GALNT13: variants seen among roughly 807,000 people sequenced by gnomAD.
GALNT13 encodes the protein UDP-GalNAc:polypeptide N-acetylgalactosaminyltransferase 13.
A neutral mutation model predicts 64.2 loss-of-function variants in GALNT13; 28 were observed. The ratio of observed to expected loss-of-function variants is 0.44; its 90% CI spans 0.32 to 0.60. GALNT13 has a LOEUF of 0.60. Among genes scored for constraint, GALNT13 ranks in the 20% least tolerant of loss-of-function variants. GALNT13 has a pLI of 0.05. For missense variants in GALNT13, 577 were observed against 669.8 expected (o/e 0.86, Z 1.53); for synonymous variants, 214 against 224.6 (o/e 0.95, Z 0.42).
In GALNT13 at chr2:154,168,672, T is replaced by TAAA. The variant is rs1559001255; in HGVS notation, c.311+28167_311+28168insAAA. 4.2e-5 allele frequency among the ~76,000 whole-genome samples: 5 copies of TAAA among 119,006 alleles called. 2 individuals carry two copies. The highest frequency in any genetic ancestry group is 5.0e-5 in the Non-Finnish European group (3 of 60,570). The allele number at this position is 119,006 out of a possible 152,430, so 78.1% of individuals were successfully genotyped here. A position where few individuals can be genotyped will look rare whatever the true frequency, so the allele number is the denominator to read the frequency against. On this transcript the variant is annotated intron_variant, in intron 4 of 12. Transcript: ENST00000392825. ...ACATAGTGAAACCTCATCTCTACTA[T>TAAA]TAAAAAAAAAAAAAAAAAAAAGTAG...
At chr2:153,987,391 C>A (rs934490186) in intron 3 of GALNT13, among the ~76,000 whole-genome samples, 1 of 151,680 alleles carries the variant, frequency 6.6e-6, no homozygotes, top group African/African-American at 2.4e-5. Context: ...TTTACTGCCT[C>A]TATCTTGGAA....
chr2:153,205,970 C>T, the GALNT13 span, among the ~76,000 whole-genome samples: 1 of 151,772 alleles, frequency 6.6e-6, no homozygotes, highest in Non-Finnish European at 1.5e-5. Context: ...TGCTTTCCCT[C>T]CTTAGAGCCC....
At chr2:154,286,989 C>T (rs548589484) in intron 8 of GALNT13, 7 of 574,228 alleles carry the variant, frequency 1.2e-5, no homozygotes, top group African/African-American at 1.1e-4. Flanking sequence ...TGGTGGCTCA[C>T]TTTGATGCAG....
At chr2:153,598,711 C>T in the GALNT13 span, among the ~76,000 whole-genome samples, 1 of 151,982 alleles carries the variant, frequency 6.6e-6, no homozygotes, top group Non-Finnish European at 1.5e-5. Flanking sequence ...AAAAGACAAA[C>T]TATACAATAA....
the GALNT13 span, among the ~76,000 whole-genome samples, chr2:153,436,401 T>C: frequency 2.3e-4 from 35 of 152,212 alleles, no homozygotes; most frequent in African/African-American, 7.5e-4. Context: ...TCAGGAGGAA[T>C]GGTACCAGTT....
chr2:153,675,639 C>T, the GALNT13 span, among the ~76,000 whole-genome samples: 1 of 151,996 alleles, frequency 6.6e-6, no homozygotes, highest in African/African-American at 2.4e-5. Context: ...ACATGTATAC[C>T]TATGTAACAT....
the GALNT13 span, among the ~76,000 whole-genome samples, chr2:153,451,735 G>A: frequency 2.6e-5 from 4 of 152,202 alleles, no homozygotes; most frequent in Admixed American, 2.6e-4. Flanking sequence ...TACTGTGAAA[G>A]AAATGGGAAA....
chr2:154,110,362 G>GAC (rs1558963213), intron 3 of GALNT13, among the ~76,000 whole-genome samples: 6 of 109,182 alleles, frequency 5.5e-5, no homozygotes, highest in African/African-American at 2.2e-4. Context: ...GAGAGAGAGA[G>GAC]AGAGAGAGAG....
At chr2:153,404,397 G>C in the GALNT13 span, among the ~76,000 whole-genome samples, 610 of 152,212 alleles carry the variant, frequency 4.0e-3, 6 homozygotes, top group African/African-American at 0.013. Context: ...TGCCTGCACT[G>C]GCCCTGGACT....
At chr2:153,318,015 CTA>C in the GALNT13 span, among the ~76,000 whole-genome samples, 4 of 151,282 alleles carry the variant, frequency 2.6e-5, no homozygotes, top group Non-Finnish European at 5.9e-5. Flanking sequence ...TATGGCTGTG[CTA>C]TGTTATCACA....
At chr2:153,534,109 C>T in the GALNT13 span, among the ~76,000 whole-genome samples, 12 of 152,120 alleles carry the variant, frequency 7.9e-5, no homozygotes, top group African/African-American at 2.6e-4. Context: ...CTTTAGAACC[C>T]TTAGCATATT....
chr2:153,136,851 C>CACACACACACACACACACAT, the GALNT13 span, among the ~76,000 whole-genome samples: 1 of 66,586 alleles, frequency 1.5e-5, no homozygotes, highest in East Asian at 4.2e-4. Flanking sequence ...GTTTGCACCA[C>CACACACACACACACACACAT]ACACACACAC....
intron 3 of GALNT13, among the ~76,000 whole-genome samples, chr2:153,990,302 T>C (rs1005707756): frequency 1.3e-5 from 2 of 152,132 alleles, no homozygotes; most frequent in African/African-American, 4.8e-5. Context: ...TGACAAGTTG[T>C]CGCAGAAGAC....
At chr2:154,383,604 A>G (rs1030945118) in intron 9 of GALNT13, among the ~76,000 whole-genome samples, 19 of 151,962 alleles carry the variant, frequency 1.3e-4, no homozygotes, top group Non-Finnish European at 1.9e-4. Context: ...ATTTTAAAAC[A>G]TAATTAGATT....
chr2:154,260,346 T>C (rs1690627964), intron 8 of GALNT13, among the ~76,000 whole-genome samples: 1 of 152,118 alleles, frequency 6.6e-6, no homozygotes, highest in Non-Finnish European at 1.5e-5. Flanking sequence ...TATAAATACG[T>C]GTGATGTTGT....
chr2:153,500,367 C>T, the GALNT13 span, among the ~76,000 whole-genome samples: 13 of 152,172 alleles, frequency 8.5e-5, no homozygotes, highest in Non-Finnish European at 1.2e-4. Context: ...AGGCTGCTGA[C>T]ACACCTAGAT....
At chr2:153,213,566 G>GA in the GALNT13 span, among the ~76,000 whole-genome samples, 1 of 152,190 alleles carries the variant, frequency 6.6e-6, no homozygotes, top group African/African-American at 2.4e-5. Context: ...TAAGGGATAA[G>GA]AAAAGGGGAA....
chr2:153,914,667 C>G (rs1461067835), intron 2 of GALNT13, among the ~76,000 whole-genome samples: 1 of 152,028 alleles, frequency 6.6e-6, no homozygotes, highest in African/African-American at 2.4e-5. Flanking sequence ...TTGAGATTAT[C>G]AAATTATCTC....
At chr2:153,345,719 G>GTCCGTCCT in the GALNT13 span, among the ~76,000 whole-genome samples, 3,809 of 80,042 alleles carry the variant, frequency 0.048, 261 homozygotes, top group South Asian at 0.1. Flanking sequence ...CTCTCTTTCT[G>GTCCGTCCT]TCCTTCCTTC....
Sources: gnomAD v4.1 joint callset for allele counts (sites outside exome capture counted in the v4.1 genomes callset) on GRCh38, gnomAD v4.1.1 for gene constraint, MANE v1.5 for transcripts, NCBI Gene and HGNC (gene_info 2026-07-23, HGNC 2026-07-21) for gene names.